BTBD7: variants seen among roughly 807,000 people sequenced by gnomAD.
BTBD7 encodes BTB domain containing 7, also known as BTB/POZ domain-containing protein 7.
A neutral mutation model predicts 99.9 loss-of-function variants in BTBD7; 38 were observed. That is an observed-to-expected ratio of 0.38 (90% CI 0.29 to 0.50). The LOEUF (loss-of-function observed/expected upper bound fraction) is 0.50. BTBD7 is among the 20% of genes least tolerant of loss of function. BTBD7 has a pLI of 0.93. For missense variants in BTBD7, 1,170 were observed against 1,394.6 expected (o/e 0.84, Z 2.57); for synonymous variants, 520 against 511.4 (o/e 1.02, Z -0.23).
At position 93,242,758 on chromosome 14, in the gene BTBD7, A is replaced by T. The variant is rs750647400; in HGVS notation, c.2914T>A (p.Tyr972Asn). The T allele has an allele frequency of 1.1e-5, 18 of 1,614,184 alleles. 1 individual carries two copies. In the South Asian group the frequency reaches 1.9e-4, roughly 17 times the overall value. The change falls in exon 11 of 11, where the codon TAT (tyrosine) becomes AAT (asparagine). Residue 972 changes from tyrosine to asparagine, a missense_variant. By Grantham distance (143) the Tyr-to-Asn change is moderately radical. This residue lies in a region of BTBD7 where 495 missense variants were observed against 525.9 expected (regional missense o/e 0.94). Transcript: ENST00000334746. ...RRTPSPSQGG[Y>N]FGPDLYSHNK... is the part of the protein sequence containing the mutation. The stretch of plus-strand genomic sequence containing the variant: ...TGGCTGTACAGATCGGGACCAAAAT[A>T]TCCACCTTGCGAAGGGGAAGGGGTG...
intron 1 of BTBD7, among the ~76,000 whole-genome samples, chr14:93,331,887 C>CCCCCCA (rs534688480): frequency 4.3e-4 from 64 of 147,826 alleles, no homozygotes; most frequent in African/African-American, 1.6e-3. Context: ...TCTCCCCCCC[C>CCCCCCA]CCAAAAAGGT....
At chr14:93,261,545 TAAG>T (rs979474922) in intron 5 of BTBD7, 54 bp downstream of exon 5, 14 of 1,348,696 alleles carry the variant, frequency 1.0e-5, no homozygotes, top group Non-Finnish European at 1.5e-5. Context: ...CATTTCTATA[TAAG>T]AACCACCAAA....
chr14:93,241,728 T>C lies in BTBD7; in HGVS notation c.*545A>G, dbSNP rs1467635537. The C allele has an allele frequency of 6.5e-6, 1 of 153,402 alleles. No homozygotes were observed. The highest frequency in any genetic ancestry group is 1.5e-5 in the Non-Finnish European group (1 of 68,648). 9.5% of individuals were successfully genotyped at this position (153,402 alleles called of 1,614,324 possible). A position where few individuals can be genotyped will look rare whatever the true frequency, so the allele number is the denominator to read the frequency against. The stretch of plus-strand genomic sequence containing the variant: ...GATTTATGGAGGCTGAGCGGGAAGA[T>C]CTCTGAACTAAAACAATTACTGAAA... On this transcript the variant is annotated 3_prime_UTR_variant, in exon 11 of 11. Transcript: ENST00000334746.
At chr14:93,275,671 C>T (rs2052647756) in intron 3 of BTBD7, among the ~76,000 whole-genome samples, 1 of 152,128 alleles carries the variant, frequency 6.6e-6, no homozygotes, top group Non-Finnish European at 1.5e-5. Context: ...GTATATAAGG[C>T]CATTTTTTTG....
At chr14:93,257,719 G>A (rs1595292110) in intron 5 of BTBD7, among the ~76,000 whole-genome samples, 2 of 152,312 alleles carry the variant, frequency 1.3e-5, no homozygotes, top group East Asian at 3.9e-4. Context: ...AGTAGTATAA[G>A]GTCATTGTAG....
At chr14:93,316,845 T>C (rs1482131910) in intron 1 of BTBD7, among the ~76,000 whole-genome samples, 2 of 152,122 alleles carry the variant, frequency 1.3e-5, no homozygotes, top group Non-Finnish European at 2.9e-5. Context: ...CATAGACAAT[T>C]GTAATTTGAT....
chr14:93,310,770 CT>C (rs56756515), intron 1 of BTBD7, among the ~76,000 whole-genome samples: 204 of 116,658 alleles, frequency 1.7e-3, no homozygotes, highest in Non-Finnish European at 1.8e-3. Context: ...AACCAAAAAA[CT>C]TTTTTTTTTT....
Position 93,242,163 on chromosome 14 carries a change from T to C in BTBD7, c.*110A>G. On this transcript the variant is annotated 3_prime_UTR_variant, in exon 11 of 11. Coordinates refer to ENST00000334746, the MANE Select transcript of BTBD7 (RefSeq NM_001002860.4). ...ATACACAAAAACTAGAACAAAATCA[T>C]GTGAAACCGAGTTATCAGCTGGCAT... is the stretch of plus-strand genomic sequence containing the variant. 1.0e-6 allele frequency: 1 copy of C among 963,368 alleles called. No homozygotes were observed. The highest frequency in any genetic ancestry group is 1.6e-5 in the South Asian group (1 of 61,492). 59.7% of individuals were successfully genotyped at this position (963,368 alleles called of 1,614,324 possible). A position where few individuals can be genotyped will look rare whatever the true frequency, so the allele number is the denominator to read the frequency against.
chr14:93,238,169 C>T lies in BTBD7; in HGVS notation c.*4104G>A, dbSNP rs994256753. ...TACAAGAGGTTATTTTCAAGACACA[C>T]ACTTGCAAGTAATCTTTCTATAGAA... On this transcript the variant is annotated 3_prime_UTR_variant, in exon 11 of 11. Transcript: ENST00000334746. The T allele has an allele frequency of 2.6e-5, 4 of 152,544 alleles. No homozygotes were observed. The highest frequency in any genetic ancestry group is 9.7e-5 in the African/African-American group (4 of 41,410). The allele number at this position is 152,544 out of a possible 1,614,324, so 9.4% of individuals were successfully genotyped here.
At chr14:93,266,167 T>G (rs979033494) in intron 3 of BTBD7, among the ~76,000 whole-genome samples, 1 of 147,268 alleles carries the variant, frequency 6.8e-6, no homozygotes, top group African/African-American at 2.5e-5. Context: ...AATATCTGGG[T>G]TTTTTTTTTT....
At position 93,238,769 on chromosome 14, in the gene BTBD7, G is replaced by C. The variant is rs982363444; in HGVS notation, c.*3504C>G. Reference sequence around the variant, plus strand: ...GAGGTCGGCTTTGAGCCCCACTGCCGCTGGCGCGTGTTTCCAATTTGCCTT... The same window carrying C: ...GAGGTCGGCTTTGAGCCCCACTGCCCCTGGCGCGTGTTTCCAATTTGCCTT... On this transcript the variant is annotated 3_prime_UTR_variant, in exon 11 of 11. Transcript: ENST00000334746. 6.6e-6 allele frequency: 1 copy of C among 152,292 alleles called. No homozygotes were observed. The highest frequency in any genetic ancestry group is 2.1e-4 in the South Asian group (1 of 4,828). 9.4% of individuals were successfully genotyped at this position (152,292 alleles called of 1,614,324 possible). A position where few individuals can be genotyped will look rare whatever the true frequency, so the allele number is the denominator to read the frequency against.
intron 1 of BTBD7, among the ~76,000 whole-genome samples, chr14:93,308,935 C>T (rs1439159344): frequency 6.6e-6 from 1 of 152,072 alleles, no homozygotes; most frequent in Non-Finnish European, 1.5e-5. Context: ...TGTGAATGTA[C>T]TTAATGTTGC....
rs1416950957 is a variant in BTBD7 at position 93,246,416 on chromosome 14, A to AT, written c.2122-131dup. 141 of 1,080,196 alleles carry AT rather than the reference A, an allele frequency of 1.3e-4. No individual in the cohort carries two copies. In the African/African-American group the frequency reaches 2.1e-3, roughly 16 times the overall value. The allele number at this position is 1,080,196 out of a possible 1,614,324, so 66.9% of individuals were successfully genotyped here. A position where few individuals can be genotyped will look rare whatever the true frequency, so the allele number is the denominator to read the frequency against. On this transcript the variant is annotated intron_variant, in intron 9 of 10. Coordinates refer to ENST00000334746, the MANE Select transcript of BTBD7 (RefSeq NM_001002860.4). ...TCAGCAAGAATAAAAAGCATAATAT[A>AT]TTTTTCTAGGCCAGAAGCCCAAGAA...
intron 6 of BTBD7, 118 bp from the exon 7 acceptor site, chr14:93,253,908 AT>A (rs2052399379): frequency 1.9e-6 from 1 of 537,812 alleles, no homozygotes; most frequent in Non-Finnish European, 2.8e-6. Flanking sequence ...TTAAATAAAA[AT>A]TTAGAAATGT....
At chr14:93,319,323 A>C (rs2053243496) in intron 1 of BTBD7, among the ~76,000 whole-genome samples, 1 of 152,256 alleles carries the variant, frequency 6.6e-6, no homozygotes, top group Non-Finnish European at 1.5e-5. Flanking sequence ...TACAGAGACC[A>C]GCTTAACAAT....
intron 6 of BTBD7, among the ~76,000 whole-genome samples, chr14:93,254,672 A>C (rs2052409917): frequency 6.6e-6 from 1 of 152,226 alleles, no homozygotes; most frequent in Non-Finnish European, 1.5e-5. Flanking sequence ...TAACTGAATG[A>C]GGTATCCCTG....
intron 3 of BTBD7, among the ~76,000 whole-genome samples, chr14:93,284,560 G>A (rs949646373): frequency 2.0e-5 from 3 of 151,760 alleles, no homozygotes; most frequent in Non-Finnish European, 4.4e-5. Context: ...AGTGTGCTAG[G>A]TTCTCAGGTT....
rs143151005 is a variant in BTBD7 at position 93,329,193 on chromosome 14, C to T, written c.-107+3627G>A. Reference sequence around the variant, plus strand: ...CCACACTCAACAACAAAAAAAAATCCTAATTAGAAAACAGGGAAATAATGT... The same window carrying T: ...CCACACTCAACAACAAAAAAAAATCTTAATTAGAAAACAGGGAAATAATGT... On this transcript the variant is annotated intron_variant, in intron 1 of 10. Coordinates refer to ENST00000334746, the MANE Select transcript of BTBD7 (RefSeq NM_001002860.4). Among the ~76,000 whole-genome samples the T allele has an allele frequency of 2.6e-4, 39 of 151,862 alleles. No homozygotes were observed. In the East Asian group the frequency reaches 7.0e-3, roughly 27 times the overall value.
intron 3 of BTBD7, among the ~76,000 whole-genome samples, chr14:93,276,273 A>G (rs927956216): frequency 3.9e-5 from 6 of 152,230 alleles, no homozygotes; most frequent in African/African-American, 1.2e-4. Flanking sequence ...GGCATTACTA[A>G]TACTATATTT....
Sources: allele counts gnomAD v4.1 joint callset (sites outside exome capture counted in the v4.1 genomes callset), GRCh38; gene constraint gnomAD v4.1.1; regional missense constraint gnomAD v4.1.1; transcripts MANE v1.5; gene names NCBI Gene and HGNC (gene_info 2026-07-23, HGNC 2026-07-21).